Variants in ADGRL2 observed in about 807,000 individuals in gnomAD.
ADGRL2 encodes the protein adhesion G protein-coupled receptor L2.
A neutral mutation model predicts 157.4 loss-of-function variants in ADGRL2; 44 were observed. The ratio of observed to expected loss-of-function variants is 0.28; its 90% CI spans 0.22 to 0.36. The LOEUF (loss-of-function observed/expected upper bound fraction) is 0.36, where lower values mean the gene tolerates loss of function less well. ADGRL2 is among the 10% of genes least tolerant of loss of function. The probability of loss-of-function intolerance (pLI) is 1.00; values close to 1 mark genes in which losing one functional copy is unlikely to be tolerated. For synonymous variants in ADGRL2, 585 were observed against 624.7 expected (o/e 0.94, Z 0.95); for missense variants, 1,510 against 1,768.9 (o/e 0.85, Z 2.63).
At chr1:81,803,278 A>T (rs1165280227) in intron 1 of ADGRL2, among the ~76,000 whole-genome samples, 1 of 152,054 alleles carries the variant, frequency 6.6e-6, no homozygotes, top group Non-Finnish European at 1.5e-5. Context: ...GAGCCAAACC[A>T]TGGAAGCGCC....
At chr1:81,475,000 C>T (rs1023115356) in intron 2 of ADGRL2, among the ~76,000 whole-genome samples, 15 of 152,284 alleles carry the variant, frequency 9.9e-5, no homozygotes, top group South Asian at 4.1e-4. Context: ...TATGTGACAA[C>T]TGCGCTAGGA....
chr1:81,702,837 C>T (rs566965304), intron 1 of ADGRL2, among the ~76,000 whole-genome samples: 16 of 152,166 alleles, frequency 1.1e-4, no homozygotes, highest in African/African-American at 3.9e-4. Context: ...ATGAAAGGAA[C>T]CATATTCACA....
intron 1 of ADGRL2, among the ~76,000 whole-genome samples, chr1:81,375,306 T>C (rs1275768606): frequency 6.6e-6 from 1 of 151,944 alleles, no homozygotes; most frequent in Non-Finnish European, 1.5e-5. Flanking sequence ...TGCTAGAAAA[T>C]TTTGCCATTC....
chr1:81,820,093 T>TA (rs1488515499), intron 1 of ADGRL2, among the ~76,000 whole-genome samples: 1 of 152,228 alleles, frequency 6.6e-6, no homozygotes, highest in Non-Finnish European at 1.5e-5. Flanking sequence ...TCTTAGGTTT[T>TA]ATAGCTGATA....
chr1:81,985,223 A>T, intron 20 of ADGRL2, 36 bp from the exon 21 acceptor site: 1 of 1,285,306 alleles, frequency 7.8e-7, no homozygotes, highest in Non-Finnish European at 1.1e-6. Flanking sequence ...GGGGAAACTA[A>T]CAAAACATAT....
chr1:81,851,202 T>G (rs966267554), intron 2 of ADGRL2, among the ~76,000 whole-genome samples: 11 of 151,850 alleles, frequency 7.2e-5, no homozygotes, highest in Admixed American at 3.3e-4. Flanking sequence ...CAGCCTCAAT[T>G]CTTATTAGGA....
intron 1 of ADGRL2, among the ~76,000 whole-genome samples, chr1:81,428,241 G>C (rs2077254790): frequency 6.6e-6 from 1 of 151,890 alleles, no homozygotes; most frequent in African/African-American, 2.4e-5. Flanking sequence ...TTTGCAATGT[G>C]TGTTTTAGAT....
At chr1:81,550,560 A>G (rs2080121514) in intron 2 of ADGRL2, among the ~76,000 whole-genome samples, 1 of 152,140 alleles carries the variant, frequency 6.6e-6, no homozygotes, top group African/African-American at 2.4e-5. Flanking sequence ...AATAAAGACA[A>G]TTTCTCATCA....
At chr1:81,552,493 A>C (rs766473550) in intron 2 of ADGRL2, among the ~76,000 whole-genome samples, 51 of 151,548 alleles carry the variant, frequency 3.4e-4, no homozygotes, top group Non-Finnish European at 6.6e-4. Context: ...TCTGTCTCCC[A>C]TCTAAATGTG....
At chr1:81,827,444 A>G (rs1189420369) in intron 1 of ADGRL2, among the ~76,000 whole-genome samples, 1 of 152,094 alleles carries the variant, frequency 6.6e-6, no homozygotes, top group East Asian at 1.9e-4. Context: ...GGTTTTATAT[A>G]CTCTCATGCC....
chr1:81,926,390 T>C (rs2095107532), intron 3 of ADGRL2, among the ~76,000 whole-genome samples: 1 of 151,986 alleles, frequency 6.6e-6, no homozygotes, highest in Admixed American at 6.6e-5. Context: ...CATCACAGAT[T>C]GGCTCCAAGG....
chr1:81,746,241 A>G (rs1305196173), intron 1 of ADGRL2, among the ~76,000 whole-genome samples: 1 of 152,194 alleles, frequency 6.6e-6, no homozygotes, highest in African/African-American at 2.4e-5. Context: ...ACTTCAAGTT[A>G]TAAGATGCCA....
intron 7 of ADGRL2, among the ~76,000 whole-genome samples, chr1:81,950,814 T>A: frequency 6.6e-6 from 1 of 152,230 alleles, no homozygotes; most frequent in Non-Finnish European, 1.5e-5. Flanking sequence ...GTTTGTTTGC[T>A]ATAAATATAT....
At chr1:81,880,777 C>T (rs1056583732) in intron 2 of ADGRL2, among the ~76,000 whole-genome samples, 2 of 151,874 alleles carry the variant, frequency 1.3e-5, no homozygotes, top group Admixed American at 6.6e-5. Context: ...TTTTTCACCA[C>T]GGGCATGTTT....
At chr1:81,383,198 C>G (rs2076372878) in intron 1 of ADGRL2, among the ~76,000 whole-genome samples, 1 of 152,150 alleles carries the variant, frequency 6.6e-6, no homozygotes, top group Non-Finnish European at 1.5e-5. Flanking sequence ...TAACGTTATT[C>G]TAAATGGAAA....
intron 1 of ADGRL2, among the ~76,000 whole-genome samples, chr1:81,371,210 C>G (rs6667326): frequency 0.52 from 79,242 of 151,998 alleles, 22,836 homozygotes; most frequent in East Asian, 0.72. Context: ...CTTCTTATGC[C>G]TGTTTGAACT....
chr1:81,677,575 G>A (rs954568248), intron 3 of ADGRL2, among the ~76,000 whole-genome samples: 2 of 152,092 alleles, frequency 1.3e-5, no homozygotes, highest in Non-Finnish European at 2.9e-5. Context: ...TGTCTCCCAC[G>A]TGTCCTATTA....
At chr1:81,548,972 G>C (rs2080082338) in intron 2 of ADGRL2, among the ~76,000 whole-genome samples, 1 of 152,222 alleles carries the variant, frequency 6.6e-6, no homozygotes, top group Admixed American at 6.5e-5. Context: ...TTTCTGCCTT[G>C]CAGTCCAAAG....
intron 2 of ADGRL2, chr1:81,502,384 G>T (rs1218784806): frequency 5.0e-6 from 8 of 1,614,052 alleles, no homozygotes; most frequent in Non-Finnish European, 6.8e-6. Context: ...GGGGAAGAGA[G>T]ATCTCTCGAG....
Sources: allele counts gnomAD v4.1 joint callset (sites outside exome capture counted in the v4.1 genomes callset), GRCh38; gene constraint gnomAD v4.1.1; transcripts MANE v1.5; gene names NCBI Gene and HGNC (gene_info 2026-07-23, HGNC 2026-07-21).